Variants in LYN observed in about 807,000 individuals in gnomAD.
LYN encodes the protein LYN proto-oncogene, Src family tyrosine kinase, also known as tyrosine-protein kinase Lyn.
LYN carries 12 observed loss-of-function variants against 65.0 expected under a neutral mutation model. The ratio of observed to expected loss-of-function variants is 0.18; its 90% CI spans 0.12 to 0.30. The LOEUF (loss-of-function observed/expected upper bound fraction) is 0.30. Among genes scored for constraint, LYN ranks in the 10% least tolerant of loss-of-function variants. The pLI is 1.00. For missense variants in LYN, 380 were observed against 623.2 expected (o/e 0.61, Z 4.16); for synonymous variants, 222 against 221.2 (o/e 1.00, Z -0.03).
rs544656099 is a variant in LYN, at chr8:55,931,134, TAATAAAATATATTATATTTTTA to T, written c.-5-10700_-5-10679del. Among the ~76,000 whole-genome samples the T allele has an allele frequency of 2.3e-3, 338 of 147,684 alleles. 1 individual carries two copies. Among genetic ancestry groups the T allele is most frequent in the African/African-American group, 7.8e-3 (319 of 40,818 alleles). On this transcript the variant is annotated intron_variant, in intron 1 of 12. Transcript: ENST00000519728. ...ACTTGTATATGTTACTTTTTATATA[TAATAAAATATATTATATTTTTA>T]AATAAAATATATTATATTTTAAAAT...
At chr8:56,002,181 C>T (rs1047922172) in intron 12 of LYN, among the ~76,000 whole-genome samples, 4 of 151,656 alleles carry the variant, frequency 2.6e-5, no homozygotes, top group Non-Finnish European at 5.9e-5. Flanking sequence ...CTTTGGGAGG[C>T]CCACTTTGTG....
intron 1 of LYN, among the ~76,000 whole-genome samples, chr8:55,925,268 G>A (rs1370280117): frequency 2.6e-5 from 4 of 151,832 alleles, no homozygotes; most frequent in Admixed American, 6.6e-5. Flanking sequence ...GACCACAGGC[G>A]TACACCACCA....
At chr8:55,947,844 A>G (rs906916770) in intron 4 of LYN, 121 bp downstream of exon 4, 31 of 675,734 alleles carry the variant, frequency 4.6e-5, no homozygotes, top group East Asian at 8.0e-5. Flanking sequence ...TGTAATGGGT[A>G]TGAGGCCTCC....
intron 10 of LYN, among the ~76,000 whole-genome samples, chr8:55,976,752 T>C (rs968263637): frequency 6.6e-6 from 1 of 151,904 alleles, no homozygotes; most frequent in Non-Finnish European, 1.5e-5. Context: ...CCTGCTAGCT[T>C]GGGAAGGGGT....
intron 12 of LYN, among the ~76,000 whole-genome samples, chr8:56,007,979 C>T (rs1406025904): frequency 6.6e-6 from 1 of 151,740 alleles, no homozygotes; most frequent in Non-Finnish European, 1.5e-5. Context: ...ATTAGCCGGG[C>T]ATGGTAGTGG....
At position 55,951,573 on chromosome 8, in the gene LYN, A is replaced by T. The variant is rs529102713; in HGVS notation, c.488-393A>T. 2.0e-5 allele frequency among the ~76,000 whole-genome samples: 3 copies of T among 152,116 alleles called. No homozygotes were observed. In the South Asian group the frequency reaches 6.2e-4, roughly 32 times the overall value. On this transcript the variant is annotated intron_variant, in intron 6 of 12. Coordinates refer to ENST00000519728, the MANE Select transcript of LYN (RefSeq NM_002350.4). ...TCAGCTACTTGAGAGGTTGGGGTAGAAAGATCGTTTGAGCCCAAGAGGTGG... is the reference window on the plus strand; with the variant it reads ...TCAGCTACTTGAGAGGTTGGGGTAGTAAGATCGTTTGAGCCCAAGAGGTGG...
intron 1 of LYN, among the ~76,000 whole-genome samples, chr8:55,907,079 T>C (rs140218412): frequency 7.5e-4 from 114 of 152,314 alleles, no homozygotes; most frequent in African/African-American, 2.7e-3. Flanking sequence ...ATTCCACTTC[T>C]AGATATTAAT....
At chr8:55,888,339 C>T (rs1804859896) in intron 1 of LYN, among the ~76,000 whole-genome samples, 1 of 152,160 alleles carries the variant, frequency 6.6e-6, no homozygotes, top group Admixed American at 6.5e-5. Context: ...TGGGAGGCTC[C>T]ACAGGCAGGC....
chr8:55,935,113 C>T (rs1436122117), intron 1 of LYN, among the ~76,000 whole-genome samples: 1 of 152,108 alleles, frequency 6.6e-6, no homozygotes, highest in Admixed American at 6.6e-5. Flanking sequence ...TTCCCGGCAC[C>T]GAAACAGCAT....
chr8:55,901,448 T>C lies in LYN; in HGVS notation c.-6+21345T>C, dbSNP rs116750101. 4.9e-3 allele frequency among the ~76,000 whole-genome samples: 740 copies of C among 152,308 alleles called. 6 individuals are homozygous for C. Among genetic ancestry groups the C allele is most frequent in the African/African-American group, 0.017 (686 of 41,566 alleles). On this transcript the variant is annotated intron_variant, in intron 1 of 12. Transcript: ENST00000519728. ...GAACGGTTTCATCTCAAGGCCAGGC[T>C]TTAGACTCCTTCTTGGGCTCATGCA...
intron 11 of LYN, among the ~76,000 whole-genome samples, chr8:55,998,769 A>C (rs1808441917): frequency 6.6e-6 from 1 of 152,266 alleles, no homozygotes; most frequent in Non-Finnish European, 1.5e-5. Context: ...TAGATTCAGC[A>C]AGATGATTCT....
At chr8:55,934,266 C>G (rs1406238714) in intron 1 of LYN, among the ~76,000 whole-genome samples, 2 of 152,152 alleles carry the variant, frequency 1.3e-5, no homozygotes, top group African/African-American at 4.8e-5. Context: ...ACACAGCAAA[C>G]AGAAGATAAA....
At chr8:55,973,698 AG>A (rs1807670350) in intron 10 of LYN, among the ~76,000 whole-genome samples, 1 of 152,234 alleles carries the variant, frequency 6.6e-6, no homozygotes, top group Non-Finnish European at 1.5e-5. Context: ...AGTGAATCAA[AG>A]CATTTATTAC....
intron 10 of LYN, among the ~76,000 whole-genome samples, chr8:55,992,997 T>C (rs887835666): frequency 6.6e-6 from 1 of 152,056 alleles, no homozygotes; most frequent in Non-Finnish European, 1.5e-5. Flanking sequence ...ATCATGCATT[T>C]GCAGTGGGGG....
intron 9 of LYN, 53 bp from the exon 10 acceptor site, chr8:55,969,664 G>C (rs1807555724): frequency 7.3e-7 from 1 of 1,360,890 alleles, no homozygotes; most frequent in African/African-American, 1.4e-5. Flanking sequence ...ATTTTGTTTG[G>C]ATTTTTTCTT....
intron 12 of LYN, among the ~76,000 whole-genome samples, chr8:56,002,009 G>A (rs1035263889): frequency 6.6e-6 from 1 of 152,188 alleles, no homozygotes; most frequent in South Asian, 2.1e-4. Flanking sequence ...GGCTGGGCAC[G>A]GCAGCTCACA....
intron 1 of LYN, among the ~76,000 whole-genome samples, chr8:55,890,012 C>G (rs531635925): frequency 6.8e-6 from 1 of 148,116 alleles, no homozygotes; most frequent in East Asian, 2.0e-4. Flanking sequence ...TGAAGTGGCT[C>G]ATGCCTATAA....
At chr8:55,973,721 G>A (rs558492826) in intron 10 of LYN, among the ~76,000 whole-genome samples, 9 of 152,214 alleles carry the variant, frequency 5.9e-5, no homozygotes, top group Non-Finnish European at 1.0e-4. Context: ...CTTTGGTGGC[G>A]GTATCTCTGA....
chr8:55,990,466 C>T (rs1449867861), intron 10 of LYN, among the ~76,000 whole-genome samples: 1 of 152,026 alleles, frequency 6.6e-6, no homozygotes, highest in Non-Finnish European at 1.5e-5. Flanking sequence ...TCTCCTGGAT[C>T]AGGAAAAGAC....
Sources: gnomAD v4.1 joint callset for allele counts (sites outside exome capture counted in the v4.1 genomes callset) on GRCh38, gnomAD v4.1.1 for gene constraint, MANE v1.5 for transcripts, NCBI Gene and HGNC (gene_info 2026-07-23, HGNC 2026-07-21) for gene names.